Variants in DNAH8 observed in about 807,000 individuals in gnomAD.
DNAH8 encodes axonemal beta dynein heavy chain 8.
DNAH8 carries 382 observed loss-of-function variants against 562.1 expected under a neutral mutation model. The observed-to-expected ratio is 0.68, with a 90% CI of 0.63 to 0.74. The LOEUF (loss-of-function observed/expected upper bound fraction) is 0.74. DNAH8 is among the 30% of genes least tolerant of loss of function. The pLI, the probability that DNAH8 is intolerant of heterozygous loss-of-function variation, is 0.00. For synonymous variants in DNAH8, 1,881 were observed against 1,919.4 expected, an observed-to-expected ratio of 0.98 and a Z score of 0.52; for missense variants, 5,203 against 5,620.4, an observed-to-expected ratio of 0.93 and a Z score of 2.37.
In DNAH8 at chr6:38,842,692, A is replaced by T; in HGVS notation, c.4634A>T (p.Asp1545Val). 6.2e-7 allele frequency: 1 copy of T among 1,613,446 alleles called. No homozygotes were observed. Among genetic ancestry groups the T allele is most frequent in the Non-Finnish European group, 8.5e-7 (1 of 1,179,800 alleles). Residue 1545 changes from aspartate (D) to valine (V), a missense_variant, in exon 35 of 93, where the codon GAT becomes GTT. Transcript: ENST00000327475. ...RCRKLPKGLKDWQAFLDLKKR... is the reference protein window; with the variant it reads ...RCRKLPKGLKVWQAFLDLKKR... ...CGTAAACTTCCAAAAGGACTTAAAG[A>T]TTGGCAAGCTTTTTTGGATCTCAAA...
chr6:38,825,929 G>A (rs1340874048), intron 28 of DNAH8, among the ~76,000 whole-genome samples: 2 of 152,192 alleles, frequency 1.3e-5, no homozygotes, highest in African/African-American at 4.8e-5. Context: ...GGGCTGTGGT[G>A]TCAAACTCAT....
chr6:38,998,104 GCCCC>G (rs1765261796), intron 88 of DNAH8, among the ~76,000 whole-genome samples: 1 of 152,174 alleles, frequency 6.6e-6, no homozygotes, highest in African/African-American at 2.4e-5. Context: ...AGAACTCGAT[GCCCC>G]CTGTTTATTG....
chr6:38,852,164 A>G (rs1323411767), intron 39 of DNAH8, among the ~76,000 whole-genome samples: 1 of 152,164 alleles, frequency 6.6e-6, no homozygotes, highest in African/African-American at 2.4e-5. Context: ...GCCATTTCCT[A>G]GAGCAATACT....
chr6:38,940,970 A>G (rs891223883), intron 79 of DNAH8, among the ~76,000 whole-genome samples: 1 of 152,026 alleles, frequency 6.6e-6, no homozygotes, highest in African/African-American at 2.4e-5. Flanking sequence ...AAATACAAAA[A>G]TTAGCTGGGC....
intron 91 of DNAH8, among the ~76,000 whole-genome samples, chr6:39,016,251 A>T (rs1307660457): frequency 9.1e-6 from 1 of 110,278 alleles, no homozygotes; most frequent in Non-Finnish European, 2.1e-5. Context: ...AAATGGCTTT[A>T]AATAAAAAAC....
In DNAH8 at chr6:38,971,636, C is replaced by T. The variant is rs150428096; in HGVS notation, c.12496C>T (p.Arg4166Ter). The change falls in exon 83 of 93, where the codon CGA (arginine) becomes TGA (stop). Residue 4166 changes from arginine (R) to a stop codon, truncating the protein, a stop_gained. Transcript: ENST00000327475. LOFTEE classifies it high-confidence loss of function. ...SMGQGQEVHA[R>*]KLIQMSMQQG... Reference sequence around the variant, plus strand: ...GGGGCAAGGACAAGAAGTACATGCTCGAAAGCTGATTCAGATGTCAATGCA... The same window carrying T: ...GGGGCAAGGACAAGAAGTACATGCTTGAAAGCTGATTCAGATGTCAATGCA... 2.2e-4 allele frequency: 345 copies of T among 1,603,154 alleles called. No individual in the cohort carries two copies. The highest frequency in any genetic ancestry group is 2.7e-4 in the Non-Finnish European group (323 of 1,175,326).
intron 87 of DNAH8, among the ~76,000 whole-genome samples, chr6:38,988,564 C>T (rs188721991): frequency 6.6e-6 from 1 of 152,152 alleles, no homozygotes; most frequent in Non-Finnish European, 1.5e-5. Flanking sequence ...TTCAACTACT[C>T]TCCATTTCTT....
chr6:38,906,422 T>C lies in DNAH8; in HGVS notation c.9348+15T>C. 6.5e-7 allele frequency: 1 copy of C among 1,538,650 alleles called. No individual in the cohort carries two copies. The highest frequency in any genetic ancestry group is 8.7e-7 in the Non-Finnish European group (1 of 1,143,850). ...CTTCAGGGGAGGTAAGTCTCAAAAG[T>C]AGAGAAAAAGCCCATATTGTAAAAA... On this transcript the variant is annotated intron_variant, in intron 63 of 92. Coordinates refer to ENST00000327475, the MANE Select transcript of DNAH8 (RefSeq NM_001206927.2).
intron 75 of DNAH8, among the ~76,000 whole-genome samples, chr6:38,930,864 A>C (rs939336955): frequency 1.3e-5 from 2 of 152,124 alleles, no homozygotes; most frequent in Non-Finnish European, 2.9e-5. Flanking sequence ...AAACTTGTTC[A>C]TCTTATCACT....
intron 88 of DNAH8, among the ~76,000 whole-genome samples, chr6:38,991,477 G>T (rs774786214): frequency 2.6e-5 from 4 of 152,194 alleles, no homozygotes; most frequent in Non-Finnish European, 5.9e-5. Context: ...AGGAGCATAG[G>T]AAAGTAGTTT....
intron 24 of DNAH8, 102 bp downstream of exon 24, chr6:38,807,818 T>C: frequency 2.0e-6 from 1 of 502,816 alleles, no homozygotes; most frequent in Non-Finnish European, 3.1e-6. Context: ...ATTTAAAATA[T>C]AGCATTCATT....
chr6:38,774,073 G>A (rs1231809206), intron 12 of DNAH8, among the ~76,000 whole-genome samples: 1 of 152,160 alleles, frequency 6.6e-6, no homozygotes, highest in East Asian at 1.9e-4. Flanking sequence ...TAGACTTGAT[G>A]GTGCACTGAA....
At chr6:38,991,180 T>C (rs1764758821) in intron 88 of DNAH8, among the ~76,000 whole-genome samples, 1 of 152,254 alleles carries the variant, frequency 6.6e-6, no homozygotes, top group African/African-American at 2.4e-5. Context: ...TGCATGAGGA[T>C]GCACTTTTGG....
At chr6:38,821,257 A>T (rs1022060109) in intron 26 of DNAH8, among the ~76,000 whole-genome samples, 3 of 152,336 alleles carry the variant, frequency 2.0e-5, no homozygotes, top group African/African-American at 7.2e-5. Flanking sequence ...AAAAGCAAGG[A>T]AGAATAAAAT....
At chr6:38,934,985 A>G (rs144260344) in intron 76 of DNAH8, among the ~76,000 whole-genome samples, 1,740 of 152,362 alleles carry the variant, frequency 0.011, 25 homozygotes, top group Middle Eastern at 0.037. Flanking sequence ...TTTTCAAAAT[A>G]TAATTTTAAA....
intron 62 of DNAH8, among the ~76,000 whole-genome samples, chr6:38,900,261 T>G (rs1258137079): frequency 6.6e-6 from 1 of 152,234 alleles, no homozygotes; most frequent in Non-Finnish European, 1.5e-5. Flanking sequence ...ATCCTATTTC[T>G]ATTACTGCAT....
chr6:38,993,185 C>T (rs1400789916), intron 88 of DNAH8, among the ~76,000 whole-genome samples: 2 of 152,184 alleles, frequency 1.3e-5, no homozygotes, highest in Non-Finnish European at 2.9e-5. Context: ...ACCGTAAAAA[C>T]TCTGGTTCCC....
intron 88 of DNAH8, among the ~76,000 whole-genome samples, chr6:38,991,883 C>A (rs922895952): frequency 6.6e-6 from 1 of 152,186 alleles, no homozygotes; most frequent in South Asian, 2.1e-4. Context: ...TTAAAGATTG[C>A]AACCCACTCC....
At chr6:38,862,625 A>T (rs1020532793) in intron 44 of DNAH8, among the ~76,000 whole-genome samples, 167 bp downstream of exon 44, 4 of 152,216 alleles carry the variant, frequency 2.6e-5, no homozygotes, top group African/African-American at 9.6e-5. Context: ...GCTGGATATC[A>T]ACAGTTTCAT....
Sources: allele counts gnomAD v4.1 joint callset (sites outside exome capture counted in the v4.1 genomes callset), GRCh38; gene constraint gnomAD v4.1.1; transcripts MANE v1.5; gene names NCBI Gene and HGNC (gene_info 2026-07-23, HGNC 2026-07-21).